Variants in ZNF483 observed in about 807,000 individuals in gnomAD.
The protein encoded by ZNF483 is zinc finger protein HIT-10.
Under a neutral mutation model 28.6 loss-of-function variants are expected in ZNF483, and 9 were observed. That is an observed-to-expected ratio of 0.32 (90% CI 0.19 to 0.55). ZNF483 has a LOEUF of 0.55. Among genes scored for constraint, ZNF483 ranks in the 20% least tolerant of loss-of-function variants. The pLI, the probability that ZNF483 is intolerant of heterozygous loss-of-function variation, is 0.93. For synonymous variants in ZNF483, 322 were observed against 306.2 expected (o/e 1.05, Z -0.54); for missense variants, 675 against 871.7 (o/e 0.77, Z 2.84).
Position 111,549,121 on chromosome 9 carries a change from C to T in ZNF483, c.*5951C>T, listed in dbSNP as rs971512848. On this transcript the variant is annotated 3_prime_UTR_variant, in exon 6 of 6. Transcript: ENST00000309235. ...GTGGTTTATTGCTTTATTATCAGTG[C>T]AATAGAGAGTCACTGAGTCACTGGA... Among the ~76,000 whole-genome samples, 8 of 152,152 alleles carry T rather than the reference C, an allele frequency of 5.3e-5. No homozygotes were observed. In the East Asian group the frequency reaches 1.2e-3, roughly 22 times the overall value.
intron 5 of ZNF483, among the ~76,000 whole-genome samples, chr9:111,575,728 C>G (rs1483311428): frequency 6.6e-6 from 1 of 152,156 alleles, no homozygotes; most frequent in Non-Finnish European, 1.5e-5. Context: ...CTTCCTTATA[C>G]TACACACAAA....
intron 5 of ZNF483, 129 bp from the exon 6 acceptor site, chr9:111,541,528 A>T: frequency 1.5e-6 from 1 of 664,662 alleles, no homozygotes; most frequent in Non-Finnish European, 2.3e-6. Context: ...TTTCTATTTT[A>T]CAAAGCTCTT....
intron 5 of ZNF483, among the ~76,000 whole-genome samples, chr9:111,540,297 G>C (rs950687932): frequency 2.0e-5 from 3 of 152,018 alleles, no homozygotes; most frequent in African/African-American, 7.3e-5. Context: ...ATTGTGTATT[G>C]GCCATTAGTT....
chr9:111,572,427 A>G (rs1200343627), intron 5 of ZNF483, among the ~76,000 whole-genome samples: 3 of 152,120 alleles, frequency 2.0e-5, no homozygotes, highest in East Asian at 1.9e-4. Context: ...TGTCTCTACT[A>G]AAAATAAAAA....
rs1828054698 is a variant in ZNF483 at position 111,554,232 on chromosome 9, T to G, written c.*11062T>G. ...GATAGTTAATGGGTTTTTTGTTTGTTTGCCTGGGAGCATTGTGGAAAAATG... is the reference window on the plus strand; with the variant it reads ...GATAGTTAATGGGTTTTTTGTTTGTGTGCCTGGGAGCATTGTGGAAAAATG... On this transcript the variant is annotated 3_prime_UTR_variant, in exon 6 of 6. Coordinates refer to ENST00000309235, the MANE Select transcript of ZNF483 (RefSeq NM_133464.5). Among the ~76,000 whole-genome samples the G allele has an allele frequency of 2.0e-5, 3 of 152,198 alleles. No homozygotes were observed. Among genetic ancestry groups the G allele is most frequent in the African/African-American group, 7.2e-5 (3 of 41,444 alleles).
chr9:111,558,939 A>G (rs991947052), downstream of ZNF483, among the ~76,000 whole-genome samples: 2 of 152,040 alleles, frequency 1.3e-5, no homozygotes, highest in African/African-American at 2.4e-5. Flanking sequence ...ACCATCTTCT[A>G]TCACCACCAC....
intron 5 of ZNF483, chr9:111,570,352 C>T (rs1314840152): frequency 3.7e-6 from 5 of 1,359,162 alleles, no homozygotes; most frequent in Non-Finnish European, 4.9e-6. Context: ...CCTTTCTGAT[C>T]CACGGGACTG....
downstream of ZNF483, among the ~76,000 whole-genome samples, chr9:111,558,764 T>C (rs1287118550): frequency 1.3e-5 from 2 of 152,180 alleles, no homozygotes; most frequent in Non-Finnish European, 2.9e-5. Flanking sequence ...CATACCTATT[T>C]TTTTGTCTCA....
At chr9:111,538,260 A>T (rs1184151487) in intron 5 of ZNF483, among the ~76,000 whole-genome samples, 1 of 152,098 alleles carries the variant, frequency 6.6e-6, no homozygotes, top group African/African-American at 2.4e-5. Context: ...CCCACCTGTA[A>T]TCTCAACACT....
At chr9:111,538,113 C>A (rs1827562936) in intron 5 of ZNF483, among the ~76,000 whole-genome samples, 1 of 150,086 alleles carries the variant, frequency 6.7e-6, no homozygotes, top group African/African-American at 2.5e-5. Flanking sequence ...ACATGACATA[C>A]ATTTTTGGGG....
rs777038823 is a variant in ZNF483 at position 111,530,936 on chromosome 9, C to T, written c.474C>T (p.Val158=). 17 of 1,556,964 alleles carry T rather than the reference C, an allele frequency of 1.1e-5. No individual in the cohort carries two copies. Among genetic ancestry groups the T allele is most frequent in the Middle Eastern group, 1.7e-4 (1 of 5,838 alleles). Reference sequence around the variant, plus strand: ...AGAACTCAAAAGAGGATAAAATGGTCACTGTTTGTCCCAATACTGAGTCCT... The same window carrying T: ...AGAACTCAAAAGAGGATAAAATGGTTACTGTTTGTCCCAATACTGAGTCCT... ...QEENSKEDKM[V]TVCPNTESCE... Residue 158 remains valine, a synonymous_variant, in exon 3 of 6, where the codon GTC becomes GTT. Transcript: ENST00000309235.
Position 111,549,528 on chromosome 9 carries a change from G to T in ZNF483, c.*6358G>T, listed in dbSNP as rs1827877875. Among the ~76,000 whole-genome samples, 3 of 152,102 alleles carry T rather than the reference G, an allele frequency of 2.0e-5. No individual in the cohort carries two copies. The South Asian group carries it at 6.2e-4, about 32-fold the overall frequency. On this transcript the variant is annotated 3_prime_UTR_variant, in exon 6 of 6. Transcript: ENST00000309235. ...TTTTTATGAAGTCTGATGTTGAGAGGTTCTTCCAGGTTGGAGTTCTCAGGT... is the reference window on the plus strand; with the variant it reads ...TTTTTATGAAGTCTGATGTTGAGAGTTTCTTCCAGGTTGGAGTTCTCAGGT...
rs946834058 is a variant in ZNF483, at chr9:111,545,832, G to T, written c.*2662G>T. ...CCAGTTTTTGCCTGTTAGGAATAATGCTGCTTTGAACATTGGTATGCAAGT... is the reference window on the plus strand; with the variant it reads ...CCAGTTTTTGCCTGTTAGGAATAATTCTGCTTTGAACATTGGTATGCAAGT... On this transcript the variant is annotated 3_prime_UTR_variant, in exon 6 of 6. Coordinates refer to ENST00000309235, the MANE Select transcript of ZNF483 (RefSeq NM_133464.5). Among the ~76,000 whole-genome samples, 39 of 152,190 alleles carry T rather than the reference G, an allele frequency of 2.6e-4. No individual in the cohort carries two copies. Among genetic ancestry groups the T allele is most frequent in the African/African-American group, 9.4e-4 (39 of 41,444 alleles).
chr9:111,525,392 GT>G (rs1215037986), intron 1 of ZNF483, 130 bp downstream of exon 1: 1 of 152,286 alleles, frequency 6.6e-6, no homozygotes, highest in African/African-American at 2.4e-5. Context: ...TGCTGCTTCT[GT>G]GGGAGGTGCG....
intron 5 of ZNF483, among the ~76,000 whole-genome samples, chr9:111,566,477 T>C (rs1338400543): frequency 3.9e-5 from 6 of 152,164 alleles, no homozygotes; most frequent in Non-Finnish European, 7.4e-5. Context: ...AAATGATCAT[T>C]GGCCAGGGAT....
intron 3 of ZNF483, 77 bp from the exon 4 acceptor site, chr9:111,533,662 A>C: frequency 7.0e-7 from 1 of 1,420,312 alleles, no homozygotes; most frequent in Non-Finnish European, 9.3e-7. Context: ...GAGCCATAAT[A>C]GCCTGTCTCA....
At chr9:111,538,897 A>G (rs996484486) in intron 5 of ZNF483, among the ~76,000 whole-genome samples, 2 of 152,108 alleles carry the variant, frequency 1.3e-5, no homozygotes, top group Non-Finnish European at 2.9e-5. Context: ...GGATCACCTG[A>G]GGTCAGGAGT....
intron 5 of ZNF483, chr9:111,569,956 TA>T: frequency 1.4e-6 from 2 of 1,390,360 alleles, no homozygotes; most frequent in Non-Finnish European, 2.0e-6. Flanking sequence ...ATTTATACTC[TA>T]AGCACAATGA....
At position 111,547,202 on chromosome 9, in the gene ZNF483, T is replaced by TA. The variant is rs1827828052; in HGVS notation, c.*4033dup. 6.6e-6 allele frequency among the ~76,000 whole-genome samples: 1 copy of TA among 152,278 alleles called. No individual in the cohort carries two copies. The highest frequency in any genetic ancestry group is 1.9e-4 in the East Asian group (1 of 5,190). On this transcript the variant is annotated 3_prime_UTR_variant, in exon 6 of 6. Coordinates refer to ENST00000309235, the MANE Select transcript of ZNF483 (RefSeq NM_133464.5). Reference sequence around the variant, plus strand: ...GCCTAGAAATAGAATTGCTGGATCTTATGATGATTCTATATTTAACTTCTT... The same window carrying TA: ...GCCTAGAAATAGAATTGCTGGATCTTAATGATGATTCTATATTTAACTTCTT...
Sources: gnomAD v4.1 joint callset for allele counts (sites outside exome capture counted in the v4.1 genomes callset) on GRCh38, gnomAD v4.1.1 for gene constraint, MANE v1.5 for transcripts, NCBI Gene and HGNC (gene_info 2026-07-23, HGNC 2026-07-21) for gene names.